ATCAY: variants seen among roughly 807,000 people sequenced by gnomAD.
ATCAY encodes caytaxin.
A neutral mutation model predicts 47.7 loss-of-function variants in ATCAY; 22 were observed. The observed-to-expected ratio is 0.46, with a 90% CI of 0.33 to 0.66. ATCAY has a LOEUF of 0.66. Among genes scored for constraint, ATCAY ranks in the 30% least tolerant of loss-of-function variants. ATCAY has a pLI of 0.02. For missense variants in ATCAY, 452 were observed against 515.0 expected (o/e 0.88, Z 1.18); for synonymous variants, 216 against 207.6 (o/e 1.04, Z -0.35).
rs577892853 is a variant in ATCAY at position 3,891,842 on chromosome 19, G to T, written c.77+5998G>T. Among the ~76,000 whole-genome samples the T allele has an allele frequency of 7.9e-5, 12 of 152,144 alleles. No individual in the cohort carries two copies. The South Asian group carries it at 2.3e-3, about 29-fold the overall frequency. ...AGCTGAGTGGCTGCCAGTTTTGTTT[G>T]CTTGCTTGTAACTTTTTCTTTGTTT... On this transcript the variant is annotated intron_variant, in intron 2 of 12. Transcript: ENST00000450849.
chr19:3,886,209 G>A (rs1394272237), intron 2 of ATCAY, among the ~76,000 whole-genome samples: 1 of 152,202 alleles, frequency 6.6e-6, no homozygotes, highest in African/African-American at 2.4e-5. Context: ...AGCACTTTGG[G>A]AGGCCGAGGT....
chr19:3,918,731 C>T, intron 10 of ATCAY, 75 bp from the exon 11 acceptor site: 1 of 1,516,078 alleles, frequency 6.6e-7, no homozygotes, highest in Non-Finnish European at 9.1e-7. Flanking sequence ...CCAGAGAGGC[C>T]AGTACTAGCT....
intron 9 of ATCAY, among the ~76,000 whole-genome samples, chr19:3,914,235 C>CAAAAAAAAAAAAAAAAAAAAAAAAAAA (rs56742726): frequency 1.6e-5 from 1 of 62,604 alleles, no homozygotes; most frequent in African/African-American, 1.0e-4. Context: ...GACTCCATCG[C>CAAAAAAAAAAAAAAAAAAAAAAAAAAA]AAAAAAAAAA....
At position 3,923,838 on chromosome 19, in the gene ATCAY, G is replaced by A. The variant is rs145176800; in HGVS notation, c.1107-745G>A. On this transcript the variant is annotated intron_variant, in intron 12 of 12. Coordinates refer to ENST00000450849, the MANE Select transcript of ATCAY (RefSeq NM_033064.5). Reference sequence around the variant, plus strand: ...TGGATGAATGGATGGGTGGGTGGGTGGATGGATGGATGGATGGATGGATAG... The same window carrying A: ...TGGATGAATGGATGGGTGGGTGGGTAGATGGATGGATGGATGGATGGATAG... 5.6e-3 allele frequency among the ~76,000 whole-genome samples: 830 copies of A among 148,756 alleles called. 25 individuals carry two copies. Among genetic ancestry groups the A allele is most frequent in the Admixed American group, 0.043 (633 of 14,860 alleles).
At chr19:3,913,103 C>T (rs1180358019) in intron 8 of ATCAY, among the ~76,000 whole-genome samples, 2 of 152,118 alleles carry the variant, frequency 1.3e-5, no homozygotes, top group South Asian at 2.1e-4. Flanking sequence ...GCCTGGCCAA[C>T]ATGATGAAAC....
At chr19:3,920,653 A>T in intron 11 of ATCAY, 113 bp from the exon 12 acceptor site, 1 of 924,318 alleles carries the variant, frequency 1.1e-6, no homozygotes, top group Non-Finnish European at 1.5e-6. Flanking sequence ...AAGACCCTGT[A>T]TCTTAATAAT....
chr19:3,908,787 TC>T, intron 6 of ATCAY, among the ~76,000 whole-genome samples: 1 of 85,156 alleles, frequency 1.2e-5, no homozygotes, highest in Non-Finnish European at 2.3e-5. Context: ...TTCCTTCTCC[TC>T]CTCTTCCTCC....
chr19:3,910,589 C>T (rs191741907), intron 7 of ATCAY, among the ~76,000 whole-genome samples: 23 of 152,268 alleles, frequency 1.5e-4, no homozygotes, highest in Non-Finnish European at 2.4e-4. Context: ...CCTCATCCAC[C>T]TGAGGGTCTT....
At chr19:3,896,690 G>A (rs1482345930) in intron 2 of ATCAY, among the ~76,000 whole-genome samples, 3 of 152,192 alleles carry the variant, frequency 2.0e-5, no homozygotes, top group East Asian at 1.9e-4. Flanking sequence ...CTTGAGAATC[G>A]AAGGCAGTGC....
At chr19:3,923,447 G>A (rs1195436824) in intron 12 of ATCAY, among the ~76,000 whole-genome samples, 1 of 143,810 alleles carries the variant, frequency 7.0e-6, no homozygotes, top group Non-Finnish European at 1.5e-5. Context: ...TGGATGGATG[G>A]ATGGATGAGT....
At chr19:3,895,301 G>A (rs1310256950) in intron 2 of ATCAY, 4 of 445,848 alleles carry the variant, frequency 9.0e-6, no homozygotes, top group Admixed American at 7.1e-5. Flanking sequence ...TGCAACCTCC[G>A]CTTCCTGGGT....
At chr19:3,918,097 G>A (rs940630527) in intron 10 of ATCAY, among the ~76,000 whole-genome samples, 8 of 152,244 alleles carry the variant, frequency 5.3e-5, no homozygotes, top group South Asian at 2.1e-4. Context: ...CAAGACGGGC[G>A]CGGTGGCTCA....
chr19:3,910,028 G>T (rs1443898659), intron 7 of ATCAY, among the ~76,000 whole-genome samples: 2 of 152,132 alleles, frequency 1.3e-5, no homozygotes, highest in South Asian at 2.1e-4. Context: ...GGTGGAGGTT[G>T]CAGTGAGCCG....
intron 9 of ATCAY, among the ~76,000 whole-genome samples, chr19:3,917,445 G>A (rs1363368992): frequency 2.0e-5 from 3 of 151,560 alleles, no homozygotes; most frequent in South Asian, 2.1e-4. Flanking sequence ...TTAGCTGGGC[G>A]TGGTAGCAGG....
intron 2 of ATCAY, among the ~76,000 whole-genome samples, chr19:3,897,232 G>T (rs1446119690): frequency 6.6e-6 from 1 of 151,410 alleles, no homozygotes; most frequent in East Asian, 1.9e-4. Flanking sequence ...GAGCAGGTCA[G>T]TTCATTCTTC....
chr19:3,881,970 A>C (rs2038605889), intron 1 of ATCAY, among the ~76,000 whole-genome samples: 1 of 149,794 alleles, frequency 6.7e-6, no homozygotes, highest in African/African-American at 2.5e-5. Flanking sequence ...AGGACAGAGA[A>C]TCGAGTGAGA....
At chr19:3,905,074 G>A (rs1568448253) in intron 3 of ATCAY, among the ~76,000 whole-genome samples, 1 of 152,066 alleles carries the variant, frequency 6.6e-6, no homozygotes, top group Non-Finnish European at 1.5e-5. Context: ...GGCCAGGCTG[G>A]TCTCGAACTC....
chr19:3,907,826 G>A lies in ATCAY; in HGVS notation c.451G>A (p.Gly151Arg), dbSNP rs756194762. ...GACGGAGGACGGCAGCGCCGCCAAC[G>A]GGCGCCTGTGGCGGACAGTGATCAT... Reference protein sequence around the residue: ...GTTEDGSAANGRLWRTVIIGE... With the variant: ...GTTEDGSAANRRLWRTVIIGE... The change falls in exon 5 of 13, where the codon GGG becomes AGG. Residue 151 changes from glycine to arginine, a missense_variant. Transcript: ENST00000450849. The surrounding 1 kb of genome is among the most constrained non-coding windows in gnomAD (Gnocchi z 5.1). The A allele has an allele frequency of 4.7e-5, 76 of 1,613,858 alleles. No homozygotes were observed. The highest frequency in any genetic ancestry group is 1.1e-4 in the East Asian group (5 of 44,890).
chr19:3,905,679 G>A (rs1383266143), intron 4 of ATCAY, 24 bp downstream of exon 4: 1 of 1,589,538 alleles, frequency 6.3e-7, no homozygotes, highest in South Asian at 1.1e-5. Flanking sequence ...TCTCTCTGGG[G>A]CCTGCTGGAG....
Sources: gnomAD v4.1 joint callset for allele counts (sites outside exome capture counted in the v4.1 genomes callset) on GRCh38, gnomAD v4.1.1 for gene constraint, Gnocchi (gnomAD v3.1) non-coding constraint, MANE v1.5 for transcripts, NCBI Gene and HGNC (gene_info 2026-07-23, HGNC 2026-07-21) for gene names.